The following EPB41L4A variants were observed in gnomAD, a reference collection of about 807,000 sequenced individuals.
The protein encoded by EPB41L4A is band 4.1-like protein 4A.
A neutral mutation model predicts 108.6 loss-of-function variants in EPB41L4A; 100 were observed. That is an observed-to-expected ratio of 0.92 (90% CI 0.78 to 1.09). The LOEUF (loss-of-function observed/expected upper bound fraction) is 1.09, where lower values mean the gene tolerates loss of function less well. Among genes scored for constraint, EPB41L4A ranks in the 50% least tolerant of loss-of-function variants. The pLI is 0.00. For synonymous variants in EPB41L4A, 319 were observed against 289.0 expected, an observed-to-expected ratio of 1.10 and a Z score of -1.05; for missense variants, 1,030 against 842.7, an observed-to-expected ratio of 1.22 and a Z score of -2.75.
In EPB41L4A at chr5:112,169,053, G is replaced by A. The variant is rs779756431; in HGVS notation, c.1792C>T (p.Arg598Cys). 21 of 1,614,114 alleles carry A rather than the reference G, an allele frequency of 1.3e-5. No individual in the cohort carries two copies. Among genetic ancestry groups the A allele is most frequent in the South Asian group, 8.8e-5 (8 of 91,080 alleles). The change falls in exon 21 of 23, where the codon CGC becomes TGC. Residue 598 changes from arginine (R) to cysteine (C), a missense_variant. Coordinates refer to ENST00000261486, the MANE Select transcript of EPB41L4A (RefSeq NM_022140.5). Reference protein sequence around the residue: ...IRHSHSPRSYRQYRRSQCSDG... With the variant: ...IRHSHSPRSYCQYRRSQCSDG... ...GAACACTGGGACCTGCGATACTGGCGGTAACTTCGTGGCGAATGAGAATGC... is the reference window on the plus strand; with the variant it reads ...GAACACTGGGACCTGCGATACTGGCAGTAACTTCGTGGCGAATGAGAATGC...
intron 6 of EPB41L4A, 130 bp downstream of exon 6, chr5:112,264,766 T>G (rs1158677931): frequency 1.2e-6 from 1 of 820,048 alleles, no homozygotes. Flanking sequence ...TCAGTTAAAC[T>G]ATACAAAGAG....
chr5:112,178,982 TGAA>T (rs1214933589), intron 18 of EPB41L4A, among the ~76,000 whole-genome samples: 12 of 147,844 alleles, frequency 8.1e-5, no homozygotes, highest in African/African-American at 3.0e-4. Flanking sequence ...TAAAAAAAAA[TGAA>T]GAGAAAACAC....
chr5:112,407,091 CTGACAGGAAAAAGCAA>C (rs1762118626), intron 1 of EPB41L4A, among the ~76,000 whole-genome samples: 1 of 151,922 alleles, frequency 6.6e-6, no homozygotes, highest in African/African-American at 2.4e-5. Flanking sequence ...GCATGAGTGG[CTGACAGGAAAAAGCAA>C]TGACAAGCAG....
chr5:112,322,699 G>GACACACAC (rs111502535), intron 1 of EPB41L4A, among the ~76,000 whole-genome samples: 95 of 145,956 alleles, frequency 6.5e-4, no homozygotes, highest in Middle Eastern at 3.4e-3. Context: ...TCCACTATGA[G>GACACACAC]ACACACACAC....
intron 1 of EPB41L4A, among the ~76,000 whole-genome samples, chr5:112,324,711 G>C (rs1204787169): frequency 7.6e-6 from 1 of 131,892 alleles, no homozygotes; most frequent in Non-Finnish European, 1.5e-5. Context: ...GACAGAGTGA[G>C]AGTCTGTCTA....
chr5:112,353,170 GA>G (rs1360042787), intron 1 of EPB41L4A, among the ~76,000 whole-genome samples: 1 of 152,156 alleles, frequency 6.6e-6, no homozygotes, highest in African/African-American at 2.4e-5. Context: ...TGGGGACAAG[GA>G]CACCAGCTAG....
At chr5:112,262,067 T>G (rs1031464380) in intron 7 of EPB41L4A, among the ~76,000 whole-genome samples, 1 of 152,014 alleles carries the variant, frequency 6.6e-6, no homozygotes, top group African/African-American at 2.4e-5. Context: ...AATTTTTGTA[T>G]TTTTAGTAGA....
At chr5:112,380,783 TCACACACATACACACACA>T (rs1760122955) in intron 1 of EPB41L4A, among the ~76,000 whole-genome samples, 2 of 120,072 alleles carry the variant, frequency 1.7e-5, no homozygotes. Context: ...CCTCTGCACA[TCACACACATACACACACA>T]CACACACACA....
At chr5:112,160,552 A>G (rs1161182670), downstream of EPB41L4A, 3 of 152,432 alleles carry the variant, frequency 2.0e-5, no homozygotes, top group African/African-American at 7.2e-5. Context: ...ACGTGGTCTA[A>G]AGTCCTTTGG....
In EPB41L4A at chr5:112,257,703, T is replaced by C. The variant is rs116082493; in HGVS notation, c.795+1526A>G. On this transcript the variant is annotated intron_variant, in intron 9 of 22. Transcript: ENST00000261486. ...GGACCTCACTCACAAAAATAACTTA[T>C]AAGGAAAGAATACTCTGAATAATAG... Among the ~76,000 whole-genome samples the C allele has an allele frequency of 5.8e-3, 877 of 152,308 alleles. 3 individuals carry two copies. Among genetic ancestry groups the C allele is most frequent in the Middle Eastern group, 0.01 (3 of 294 alleles).
chr5:112,172,174 A>C (rs766536831), intron 18 of EPB41L4A, among the ~76,000 whole-genome samples: 3 of 152,204 alleles, frequency 2.0e-5, no homozygotes, highest in Admixed American at 6.5e-5. Flanking sequence ...TCTTGGTCTC[A>C]GACCAAATAT....
rs773104664 is a variant in EPB41L4A at position 112,240,710 on chromosome 5, T to C, written c.887+9A>G. On this transcript the variant is annotated intron_variant, in intron 10 of 22. Coordinates refer to ENST00000261486, the MANE Select transcript of EPB41L4A (RefSeq NM_022140.5). ...TAAGACAACAAACAAAATTTTTACA[T>C]CAATTTACCTAAAAAATGTATGATG... 11 of 1,493,574 alleles carry C rather than the reference T, an allele frequency of 7.4e-6. No individual in the cohort carries two copies. In the East Asian group the frequency reaches 2.7e-4, roughly 37 times the overall value. 92.5% of individuals were successfully genotyped at this position (1,493,574 alleles called of 1,614,324 possible).
intron 12 of EPB41L4A, among the ~76,000 whole-genome samples, chr5:112,211,008 C>T (rs1160713054): frequency 1.3e-5 from 2 of 151,916 alleles, no homozygotes; most frequent in African/African-American, 4.8e-5. Context: ...TGAGTACTTA[C>T]TATGTGTCAG....
chr5:112,371,238 C>G (rs1193186538), intron 1 of EPB41L4A, among the ~76,000 whole-genome samples: 3 of 152,162 alleles, frequency 2.0e-5, no homozygotes, highest in Non-Finnish European at 4.4e-5. Context: ...ATCAGGAGCC[C>G]ACATTCCTGC....
intron 1 of EPB41L4A, among the ~76,000 whole-genome samples, chr5:112,348,631 G>A (rs1757839157): frequency 1.3e-5 from 2 of 152,150 alleles, no homozygotes. Context: ...GCACTTCAGG[G>A]TGAGGAATGT....
At chr5:112,392,510 T>C (rs977142477) in intron 1 of EPB41L4A, among the ~76,000 whole-genome samples, 4 of 148,934 alleles carry the variant, frequency 2.7e-5, no homozygotes. Context: ...TACATAATGG[T>C]AAAGGGATCA....
chr5:112,196,944 T>G (rs1283506281), intron 15 of EPB41L4A: 1 of 152,214 alleles, frequency 6.6e-6, no homozygotes, highest in African/African-American at 2.4e-5. Context: ...AAAAGCAGCC[T>G]CCAGATGTAA....
intron 3 of EPB41L4A, among the ~76,000 whole-genome samples, chr5:112,279,079 A>AAT (rs1752794176): frequency 6.6e-6 from 1 of 151,712 alleles, no homozygotes; most frequent in African/African-American, 2.4e-5. Flanking sequence ...AAAAAAAAAA[A>AAT]AAAAAAATCA....
intron 1 of EPB41L4A, among the ~76,000 whole-genome samples, chr5:112,406,225 T>C (rs529588412): frequency 6.6e-6 from 1 of 152,320 alleles, no homozygotes; most frequent in South Asian, 2.1e-4. Context: ...CTCCTAATGA[T>C]TGGTCCATCT....
Sources: allele counts gnomAD v4.1 joint callset (sites outside exome capture counted in the v4.1 genomes callset), GRCh38; gene constraint gnomAD v4.1.1; transcripts MANE v1.5; gene names NCBI Gene and HGNC (gene_info 2026-07-23, HGNC 2026-07-21).